The following GPR55 variants were observed in gnomAD, a reference collection of about 807,000 sequenced individuals.
GPR55 encodes the protein G protein-coupled receptor 55, also known as G-protein coupled receptor 55.
GPR55 carries 6 observed loss-of-function variants against 7.9 expected under a neutral mutation model. The observed-to-expected ratio is 0.76, with a 90% CI of 0.41 to 1.49. The LOEUF (loss-of-function observed/expected upper bound fraction) is 1.49. Ranked by LOEUF, GPR55 falls within the 40% of genes most tolerant of loss-of-function variation. The pLI is 0.01. For missense variants in GPR55, 376 were observed against 406.0 expected (o/e 0.93, Z 0.63); for synonymous variants, 183 against 166.8 (o/e 1.10, Z -0.75).
At chr2:230,957,032 C>T (rs529056762) in intron 1 of GPR55, among the ~76,000 whole-genome samples, 4 of 152,148 alleles carry the variant, frequency 2.6e-5, no homozygotes, top group African/African-American at 9.6e-5. Flanking sequence ...CTTCCACCCA[C>T]GAATGTAATG....
chr2:230,958,887 C>T (rs1691529839), intron 1 of GPR55, among the ~76,000 whole-genome samples: 1 of 152,086 alleles, frequency 6.6e-6, no homozygotes, highest in Admixed American at 6.5e-5. Context: ...CTATTTCTAT[C>T]ATTCTTTCTA....
chr2:230,913,018 A>G (rs1690628204), intron 1 of GPR55, among the ~76,000 whole-genome samples: 1 of 152,240 alleles, frequency 6.6e-6, no homozygotes, highest in Non-Finnish European at 1.5e-5. Context: ...TAAAATTTGG[A>G]AATAATATAC....
At chr2:230,957,488 T>A (rs1236078002) in intron 1 of GPR55, 3 of 354,766 alleles carry the variant, frequency 8.5e-6, no homozygotes, top group Non-Finnish European at 1.6e-5. Flanking sequence ...GCGCGTGATT[T>A]AAAACTTGTG....
chr2:230,949,165 G>GTT (rs1691362358), intron 1 of GPR55, among the ~76,000 whole-genome samples: 1 of 151,772 alleles, frequency 6.6e-6, no homozygotes. Context: ...TTGTTTGTTT[G>GTT]TTTGTTTGTT....
intron 1 of GPR55, chr2:230,958,014 C>T: frequency 3.1e-6 from 1 of 319,964 alleles, no homozygotes; most frequent in South Asian, 3.3e-5. Context: ...CTAAGCTCAA[C>T]CACATAAAAC....
At chr2:230,917,376 AT>A (rs921708927) in intron 1 of GPR55, among the ~76,000 whole-genome samples, 42 of 152,202 alleles carry the variant, frequency 2.8e-4, no homozygotes, top group African/African-American at 9.1e-4. Flanking sequence ...TAGGTAACCC[AT>A]TTTTTTTCTC....
In GPR55 at chr2:230,949,921, G is replaced by A. The variant is rs143222980; in HGVS notation, c.-135+10854C>T. ...ACAATCTCGGCTCACTACAACCTCC[G>A]CCTCCCGGGTTCAAGCAATTCTCTG... is the stretch of plus-strand genomic sequence containing the variant. On this transcript the variant is annotated intron_variant, in intron 1 of 1. Coordinates refer to the GPR55 transcript ENST00000392039. Among the ~76,000 whole-genome samples, 571 of 151,662 alleles carry A rather than the reference G, an allele frequency of 3.8e-3. 4 individuals are homozygous for A. The highest frequency in any genetic ancestry group is 0.012 in the African/African-American group (509 of 41,116).
At chr2:230,940,649 C>T (rs902814774) in intron 1 of GPR55, among the ~76,000 whole-genome samples, 1 of 152,194 alleles carries the variant, frequency 6.6e-6, no homozygotes, top group Non-Finnish European at 1.5e-5. Context: ...ATTCACAGCA[C>T]CTGCCTCCCT....
chr2:230,912,254 A>C (rs1185327622), intron 1 of GPR55, among the ~76,000 whole-genome samples: 1 of 152,044 alleles, frequency 6.6e-6, no homozygotes. Context: ...TGGGTGAGCA[A>C]GTGCGGCCAG....
intron 1 of GPR55, among the ~76,000 whole-genome samples, chr2:230,943,118 GGAGA>G (rs1553543412): frequency 1.8e-4 from 27 of 149,212 alleles, no homozygotes; most frequent in African/African-American, 6.6e-4. Context: ...GAGAGAGAGA[GGAGA>G]GAGAGAGCGC....
In GPR55 at chr2:230,910,018, C is replaced by T. The variant is rs750679484; in HGVS notation, c.945G>A (p.Thr315=). Residue 315 remains threonine, a synonymous_variant, in exon 2 of 2, where the codon ACG becomes ACA. Coordinates refer to ENST00000650999, the MANE Select transcript of GPR55 (RefSeq NM_005683.4). The surrounding 1 kb of genome is among the most constrained non-coding windows in gnomAD (Gnocchi z 5.4). ...TGTCCTTCCGTTAGCCCCGGGAGAT[C>T]GTGGTGTCCTGCAGGACCAGCTGGA... The part of the protein sequence containing the change: ...SRVQLVLQDT[T]ISRG 1.2e-4 allele frequency: 192 copies of T among 1,612,846 alleles called. No individual in the cohort carries two copies. Among genetic ancestry groups the T allele is most frequent in the Non-Finnish European group, 1.6e-4 (189 of 1,179,314 alleles).
rs180789253 is a variant in GPR55 at position 230,958,251 on chromosome 2, A to T, written c.-135+2524T>A. On this transcript the variant is annotated intron_variant, in intron 1 of 1. Transcript: ENST00000392039. ...TTATTTGTAAACCTAACTTTAAAAA[A>T]TTTTTTTAAATGTTTATGGGTACAA... 4.3e-3 allele frequency among the ~76,000 whole-genome samples: 653 copies of T among 152,302 alleles called. 3 individuals are homozygous for T. The highest frequency in any genetic ancestry group is 0.015 in the African/African-American group (609 of 41,540).
intron 1 of GPR55, among the ~76,000 whole-genome samples, chr2:230,945,625 T>C (rs893979007): frequency 6.6e-6 from 1 of 152,212 alleles, no homozygotes; most frequent in African/African-American, 2.4e-5. Flanking sequence ...CAGGCTGGAG[T>C]GCAGTGGCAC....
intron 1 of GPR55, among the ~76,000 whole-genome samples, chr2:230,940,584 G>C (rs10211261): frequency 0.013 from 2,022 of 152,296 alleles, 44 homozygotes; most frequent in African/African-American, 0.045. Flanking sequence ...TGCCTCCTTA[G>C]AGTGGGCAGC....
At chr2:230,954,358 C>A (rs553126627) in intron 1 of GPR55, among the ~76,000 whole-genome samples, 1 of 152,370 alleles carries the variant, frequency 6.6e-6, no homozygotes, top group East Asian at 1.9e-4. Flanking sequence ...GAAGAGGACT[C>A]GGCTTAACTC....
At chr2:230,935,294 G>A (rs889637711) in intron 1 of GPR55, among the ~76,000 whole-genome samples, 14 of 152,128 alleles carry the variant, frequency 9.2e-5, no homozygotes, top group African/African-American at 3.1e-4. Flanking sequence ...GTCCCAGCCC[G>A]GCAGCCACTC....
intron 1 of GPR55, among the ~76,000 whole-genome samples, chr2:230,940,982 C>A (rs148846948): frequency 6.6e-6 from 1 of 151,992 alleles, no homozygotes; most frequent in Non-Finnish European, 1.5e-5. Flanking sequence ...CCGGACGTGG[C>A]GGTGTGCACT....
chr2:230,935,415 G>A (rs544805790), intron 1 of GPR55, among the ~76,000 whole-genome samples: 2 of 152,274 alleles, frequency 1.3e-5, no homozygotes, highest in South Asian at 4.2e-4. Flanking sequence ...GCTCCTAGGG[G>A]GCCTTGAGTG....
At chr2:230,954,413 C>T (rs1181989669) in intron 1 of GPR55, among the ~76,000 whole-genome samples, 1 of 152,248 alleles carries the variant, frequency 6.6e-6, no homozygotes, top group Non-Finnish European at 1.5e-5. Flanking sequence ...GGCTTTCAGA[C>T]TTCAGTCTTA....
Sources: gnomAD v4.1 joint callset for allele counts (sites outside exome capture counted in the v4.1 genomes callset) on GRCh38, gnomAD v4.1.1 for gene constraint, Gnocchi (gnomAD v3.1) non-coding constraint, MANE v1.5 for transcripts, NCBI Gene and HGNC (gene_info 2026-07-23, HGNC 2026-07-21) for gene names.